Variants in SUPT6H observed in about 807,000 individuals in gnomAD.
SUPT6H encodes the protein SPT6 homolog, histone chaperone and transcription elongation factor.
Under a neutral mutation model 222.3 loss-of-function variants are expected in SUPT6H, and 11 were observed. The observed-to-expected ratio is 0.05, with a 90% CI of 0.03 to 0.08. The LOEUF is 0.08. Ranked by LOEUF, SUPT6H falls within the 10% of genes least tolerant of loss-of-function variation. SUPT6H has a pLI of 1.00. For synonymous variants in SUPT6H, 762 were observed against 801.2 expected (o/e 0.95, Z 0.83); for missense variants, 1,422 against 2,216.0 (o/e 0.64, Z 7.19).
Position 28,697,682 on chromosome 17 carries a change from G to C in SUPT6H, c.4272G>C (p.Arg1424=), listed in dbSNP as rs776785748. The part of the protein sequence containing the change: ...RYVQPMASFA[R]DLLNHKYYQD... ...TCCAGCCCATGGCATCCTTTGCCCG[G>C]GACCTTCTGAATCACAAGTATTATC... The change falls in exon 31 of 37, where the codon CGG becomes CGC. Residue 1424 remains arginine, a synonymous_variant. Transcript: ENST00000314616. 3.1e-6 allele frequency: 5 copies of C among 1,614,150 alleles called. No individual in the cohort carries two copies. The highest frequency in any genetic ancestry group is 3.3e-4 in the Middle Eastern group (2 of 6,062).
chr17:28,683,144 A>T lies in SUPT6H; in HGVS notation c.1878+52A>T, dbSNP rs143194862. ...AAGATGTGCACCAGCTCTTTCTTTGATTGCCTGAGTTTCTTGCCTTCCACT... is the reference window on the plus strand; with the variant it reads ...AAGATGTGCACCAGCTCTTTCTTTGTTTGCCTGAGTTTCTTGCCTTCCACT... On this transcript the variant is annotated intron_variant, in intron 15 of 36. Transcript: ENST00000314616. 3.7e-5 allele frequency: 58 copies of T among 1,561,740 alleles called. No homozygotes were observed. In the East Asian group the frequency reaches 1.2e-3, roughly 33 times the overall value.
At position 28,700,488 on chromosome 17, in the gene SUPT6H, T is replaced by C. The variant is rs1597723621; in HGVS notation, c.4782T>C (p.Ser1594=). The C allele has an allele frequency of 6.2e-7, 1 of 1,614,070 alleles. No individual in the cohort carries two copies. The highest frequency in any genetic ancestry group is 8.5e-7 in the Non-Finnish European group (1 of 1,179,990). The change falls in exon 35 of 37, where the codon AGT becomes AGC. Residue 1594 remains serine (S), a synonymous_variant. Transcript: ENST00000314616. ...CCAGCCAGTACGGCTATGGCGGCAG[T>C]GGAGGCGGCAGCAGTGCTTACCACG... ...WASSQYGYGG[S]GGGSSAYHVF...
In SUPT6H at chr17:28,674,726, C is replaced by T. The variant is rs931045129; in HGVS notation, c.345+113C>T. ...GGACAGTTTGGAGAACATTAGAGCA[C>T]GGTGTTCGGTATCATTGTACTACGG... On this transcript the variant is annotated intron_variant, in intron 4 of 36. Transcript: ENST00000314616. 6.1e-5 allele frequency: 62 copies of T among 1,012,590 alleles called. No homozygotes were observed. In the Admixed American group the frequency reaches 6.8e-4, roughly 11 times the overall value. The allele number at this position is 1,012,590 out of a possible 1,614,324, so 62.7% of individuals were successfully genotyped here.
Position 28,686,686 on chromosome 17 carries a change from G to A in SUPT6H, c.2597G>A (p.Arg866His), listed in dbSNP as rs370622238. The A allele has an allele frequency of 1.0e-5, 16 of 1,605,724 alleles. No individual in the cohort carries two copies. Among genetic ancestry groups the A allele is most frequent in the Admixed American group, 3.5e-5 (2 of 57,428 alleles). ...CAGATGTTGATTGAAGATGTGAAGC[G>A]CATTGTACATGAGCTGGACCAGGGC... ...DAQMLIEDVK[R>H]IVHELDQGQQ... Residue 866 changes from arginine (R) to histidine (H), a missense_variant, in exon 21 of 37, where the codon CGC becomes CAC. Physicochemically the swap from Arg to His is conservative, Grantham distance 29 (BLOSUM62 0). Coordinates refer to ENST00000314616, the MANE Select transcript of SUPT6H (RefSeq NM_003170.5).
At chr17:28,687,765 G>A (rs539681061) in intron 23 of SUPT6H, among the ~76,000 whole-genome samples, 347 of 152,118 alleles carry the variant, frequency 2.3e-3, no homozygotes, top group Non-Finnish European at 3.8e-3. Flanking sequence ...TGATCCACCC[G>A]CCTCAGCCTC....
At chr17:28,662,490 G>C (rs1016968232) in intron 1 of SUPT6H, 148 bp downstream of exon 1, 1 of 152,564 alleles carries the variant, frequency 6.6e-6, no homozygotes, top group Non-Finnish European at 1.5e-5. Context: ...TGGGGGGAAG[G>C]GGGAGGAAAG....
intron 32 of SUPT6H, 103 bp downstream of exon 32, chr17:28,698,133 C>G: frequency 7.0e-7 from 1 of 1,421,146 alleles, no homozygotes; most frequent in Non-Finnish European, 9.3e-7. Flanking sequence ...GCTGGACTGC[C>G]TTTCTCCTCT....
Position 28,702,043 on chromosome 17 carries a change from A to C in SUPT6H, c.*418A>C. ...TCTCGTGGGGAGAGGGATGCTATTT[A>C]TTCAGTTTGGGGCAGGAGGGAGAGG... On this transcript the variant is annotated 3_prime_UTR_variant, in exon 37 of 37. Coordinates refer to ENST00000314616, the MANE Select transcript of SUPT6H (RefSeq NM_003170.5). 1 of 164,394 alleles carries C rather than the reference A, an allele frequency of 6.1e-6. No homozygotes were observed. The highest frequency in any genetic ancestry group is 1.3e-5 in the Non-Finnish European group (1 of 75,460). 10.2% of individuals were successfully genotyped at this position (164,394 alleles called of 1,614,324 possible).
At chr17:28,671,047 GT>G (rs2030385605) in intron 1 of SUPT6H, 3 of 152,132 alleles carry the variant, frequency 2.0e-5, no homozygotes, top group African/African-American at 7.2e-5. Flanking sequence ...CTTCAGTTTT[GT>G]TTTCTTGAGT....
chr17:28,701,738 T>C lies in SUPT6H; in HGVS notation c.*113T>C. On this transcript the variant is annotated 3_prime_UTR_variant, in exon 37 of 37. Transcript: ENST00000314616. ...CCATAAAGTGGCGTGAAGTGAGACG[T>C]TCTCTTTGGTGGTCAACCCGGATGG... is the stretch of plus-strand genomic sequence containing the variant. 8.4e-7 allele frequency: 1 copy of C among 1,187,190 alleles called. No individual in the cohort carries two copies. The highest frequency in any genetic ancestry group is 1.2e-6 in the Non-Finnish European group (1 of 857,272). 73.5% of individuals were successfully genotyped at this position (1,187,190 alleles called of 1,614,324 possible). A position where few individuals can be genotyped will look rare whatever the true frequency, so the allele number is the denominator to read the frequency against.
At chr17:28,691,092 T>C (rs377432874) in intron 27 of SUPT6H, 29 bp downstream of exon 27, 50 of 1,602,738 alleles carry the variant, frequency 3.1e-5, no homozygotes, top group Non-Finnish European at 2.7e-5. Flanking sequence ...TCCTGCTCAG[T>C]GGATTTCCTT....
In SUPT6H at chr17:28,702,229, T is replaced by A. The variant is rs1365110845; in HGVS notation, c.*604T>A. The A allele has an allele frequency of 2.0e-5, 3 of 153,290 alleles. No homozygotes were observed. Among genetic ancestry groups the A allele is most frequent in the Non-Finnish European group, 4.4e-5 (3 of 68,488 alleles). 9.5% of individuals were successfully genotyped at this position (153,290 alleles called of 1,614,324 possible). On this transcript the variant is annotated 3_prime_UTR_variant, in exon 37 of 37. Coordinates refer to ENST00000314616, the MANE Select transcript of SUPT6H (RefSeq NM_003170.5). ...TCATTTGAATAAACAGTGTTTCTAT[T>A]GAGCTCTTGCCAAAGCCTCTCTCTC...
At chr17:28,677,649 G>A in intron 7 of SUPT6H, 66 bp from the exon 8 acceptor site, 1 of 1,145,742 alleles carries the variant, frequency 8.7e-7, no homozygotes, top group South Asian at 1.3e-5. Flanking sequence ...TGTCCAAAAA[G>A]GTATGTTTTT....
At chr17:28,687,710 G>GT (rs1435641767) in intron 23 of SUPT6H, among the ~76,000 whole-genome samples, 2 of 151,982 alleles carry the variant, frequency 1.3e-5, no homozygotes, top group African/African-American at 4.8e-5. Context: ...TAGAGACGGG[G>GT]TTTCACCATG....
rs146414532 is a variant in SUPT6H, at chr17:28,687,365, A to G, written c.2900A>G (p.Asn967Ser). ...ALYCEFINRV[N>S]EVGVDVNRAI... The stretch of plus-strand genomic sequence containing the variant: ...TACTGTGAATTTATCAACCGAGTCA[A>G]TGAGGTCGGGGTCGATGTCAACCGT... The change falls in exon 23 of 37, where the codon AAT becomes AGT. Residue 967 changes from asparagine to serine, a missense_variant. By Grantham distance (46) the Asn-to-Ser change is conservative. This residue lies in a region of SUPT6H where 294 missense variants were observed against 382.1 expected (regional missense o/e 0.77). Transcript: ENST00000314616. 6.3e-5 allele frequency: 101 copies of G among 1,614,194 alleles called. No homozygotes were observed. In the African/African-American group the frequency reaches 1.0e-3, roughly 16 times the overall value.
At chr17:28,691,725 C>G (rs1317082480) in intron 27 of SUPT6H, 1 of 152,048 alleles carries the variant, frequency 6.6e-6, no homozygotes, top group Non-Finnish European at 1.5e-5. Context: ...TGGCGGCCAC[C>G]TGTAGTCCCA....
chr17:28,683,247 A>T, intron 15 of SUPT6H, 21 bp from the exon 16 acceptor site: 3 of 1,611,252 alleles, frequency 1.9e-6, no homozygotes, highest in Non-Finnish European at 2.5e-6. Context: ...CAGGCTCATG[A>T]TTCCCCCTTC....
chr17:28,695,634 C>A, intron 29 of SUPT6H, 87 bp downstream of exon 29: 1 of 1,425,574 alleles, frequency 7.0e-7, no homozygotes, highest in South Asian at 1.4e-5. Context: ...GCACATGTGT[C>A]AGTCTCCCAG....
At chr17:28,679,096 G>A in intron 11 of SUPT6H, 133 bp downstream of exon 11, 2 of 1,190,988 alleles carry the variant, frequency 1.7e-6, no homozygotes, top group South Asian at 1.5e-5. Flanking sequence ...TGTCAACCAG[G>A]CACAGTGGCT....
Sources: allele counts gnomAD v4.1 joint callset (sites outside exome capture counted in the v4.1 genomes callset), GRCh38; gene constraint gnomAD v4.1.1; regional missense constraint gnomAD v4.1.1; transcripts MANE v1.5; gene names NCBI Gene and HGNC (gene_info 2026-07-23, HGNC 2026-07-21).